Variants in USH2A observed in about 807,000 individuals in gnomAD.
USH2A encodes the protein usherin, also known as Usher syndrome 2A (autosomal recessive, mild).
Under a neutral mutation model 538.9 loss-of-function variants are expected in USH2A, and 443 were observed. The observed-to-expected ratio is 0.82, with a 90% CI of 0.76 to 0.89. The LOEUF is 0.89. Ranked by LOEUF, USH2A falls within the 40% of genes least tolerant of loss-of-function variation. The pLI is 0.00. For synonymous variants in USH2A, 2,413 were observed against 2,273.5 expected, an observed-to-expected ratio of 1.06 and a Z score of -1.75; for missense variants, 6,633 against 6,324.8, an observed-to-expected ratio of 1.05 and a Z score of -1.65.
intron 11 of USH2A, among the ~76,000 whole-genome samples, chr1:216,280,753 G>T (rs1008229613): frequency 6.6e-5 from 10 of 152,158 alleles, no homozygotes; most frequent in Non-Finnish European, 1.2e-4. Flanking sequence ...TATCTTATGA[G>T]ATTGGATTGA....
At chr1:215,705,968 A>T (rs1393017568) in intron 61 of USH2A, among the ~76,000 whole-genome samples, 1 of 152,252 alleles carries the variant, frequency 6.6e-6, no homozygotes, top group East Asian at 1.9e-4. Flanking sequence ...AAGGATGATA[A>T]CAATGAGTGC....
intron 32 of USH2A, among the ~76,000 whole-genome samples, chr1:216,031,233 C>G (rs1669114366): frequency 1.3e-5 from 2 of 151,972 alleles, no homozygotes; most frequent in African/African-American, 4.8e-5. Flanking sequence ...TCCAGATGTG[C>G]TTTTATAATG....
intron 61 of USH2A, 139 bp from the exon 62 acceptor site, chr1:215,680,515 T>C (rs1393231417): frequency 1.3e-6 from 1 of 785,830 alleles, no homozygotes; most frequent in African/African-American, 1.7e-5. Flanking sequence ...TTTTGAATTA[T>C]CATTAAGAAA....
At chr1:215,878,623 T>C in intron 42 of USH2A, 141 bp downstream of exon 42, 1 of 783,884 alleles carries the variant, frequency 1.3e-6, no homozygotes, top group Non-Finnish European at 2.1e-6. Flanking sequence ...AGTATGATAG[T>C]GTATGAAAGT....
chr1:216,148,695 T>G (rs1254742914), intron 21 of USH2A, among the ~76,000 whole-genome samples: 1 of 152,032 alleles, frequency 6.6e-6, no homozygotes, highest in East Asian at 1.9e-4. Context: ...CTGCACCTTA[T>G]CAACCAAATT....
intron 11 of USH2A, among the ~76,000 whole-genome samples, chr1:216,281,731 A>G (rs1440354854): frequency 6.6e-6 from 1 of 152,144 alleles, no homozygotes; most frequent in African/African-American, 2.4e-5. Flanking sequence ...TCTGGGTTAT[A>G]TGGTAATTCC....
chr1:215,743,461 G>C (rs199867324), intron 58 of USH2A, 126 bp from the exon 59 acceptor site: 12,288 of 225,290 alleles, frequency 0.055, 1,695 homozygotes, highest in Admixed American at 0.13. Context: ...AATATATATA[G>C]ACACACATAT....
chr1:216,114,749 A>G (rs1197943130), intron 21 of USH2A, among the ~76,000 whole-genome samples: 1 of 152,180 alleles, frequency 6.6e-6, no homozygotes, highest in South Asian at 2.1e-4. Context: ...TGCAAACACC[A>G]ATAGCAACCA....
intron 4 of USH2A, among the ~76,000 whole-genome samples, chr1:216,353,930 T>C (rs1194966908): frequency 1.3e-5 from 2 of 152,108 alleles, no homozygotes; most frequent in Admixed American, 6.6e-5. Flanking sequence ...ACTGGACATG[T>C]AACTCATTGG....
At chr1:216,318,659 A>G (rs2037549969) in intron 9 of USH2A, among the ~76,000 whole-genome samples, 1 of 152,248 alleles carries the variant, frequency 6.6e-6, no homozygotes, top group Non-Finnish European at 1.5e-5. Flanking sequence ...TTCATAAACT[A>G]TCAAAATATG....
At chr1:216,223,801 T>C (rs2035507640) in intron 14 of USH2A, among the ~76,000 whole-genome samples, 1 of 152,202 alleles carries the variant, frequency 6.6e-6, no homozygotes, top group Non-Finnish European at 1.5e-5. Flanking sequence ...GGAAGTTATC[T>C]GCTTTCATCT....
intron 11 of USH2A, among the ~76,000 whole-genome samples, chr1:216,255,279 G>C (rs1019908225): frequency 2.6e-5 from 4 of 152,108 alleles, no homozygotes; most frequent in Non-Finnish European, 5.9e-5. Context: ...CATTAGCCTG[G>C]CTTGGGTCTT....
chr1:216,216,093 G>A (rs138115632), intron 15 of USH2A, among the ~76,000 whole-genome samples: 1 of 151,996 alleles, frequency 6.6e-6, no homozygotes, highest in Non-Finnish European at 1.5e-5. Context: ...TATCCAAAAG[G>A]AATATGCTAG....
chr1:216,117,803 C>T (rs987250755), intron 21 of USH2A, among the ~76,000 whole-genome samples: 3 of 149,314 alleles, frequency 2.0e-5, no homozygotes, highest in African/African-American at 7.4e-5. Flanking sequence ...CACAGACACA[C>T]ATATATATAT....
intron 34 of USH2A, among the ~76,000 whole-genome samples, chr1:215,993,896 A>G (rs1668071175): frequency 6.6e-6 from 1 of 152,174 alleles, no homozygotes. Context: ...TGGTAACATG[A>G]ATGTTACAGA....
intron 61 of USH2A, among the ~76,000 whole-genome samples, chr1:215,714,079 T>C (rs1659414679): frequency 6.6e-6 from 1 of 152,246 alleles, no homozygotes; most frequent in African/African-American, 2.4e-5. Flanking sequence ...GTGGAAGTTG[T>C]CAGCTTATAA....
intron 21 of USH2A, among the ~76,000 whole-genome samples, chr1:216,171,220 C>T (rs2034270583): frequency 6.6e-6 from 1 of 151,780 alleles, no homozygotes; most frequent in Non-Finnish European, 1.5e-5. Context: ...GCCATGATTA[C>T]AGCCTGTATT....
chr1:216,176,720 C>T (rs573408505), intron 20 of USH2A, among the ~76,000 whole-genome samples: 2 of 152,254 alleles, frequency 1.3e-5, no homozygotes, highest in Admixed American at 6.5e-5. Context: ...TTCATCTCTC[C>T]TTCCCCCCAA....
At chr1:215,880,508 T>C (rs769997121) in intron 41 of USH2A, among the ~76,000 whole-genome samples, 5 of 152,194 alleles carry the variant, frequency 3.3e-5, no homozygotes, top group Non-Finnish European at 7.3e-5. Flanking sequence ...TTTAGATGTG[T>C]TCCTTATAAA....
Sources: allele counts gnomAD v4.1 joint callset (sites outside exome capture counted in the v4.1 genomes callset), GRCh38; gene constraint gnomAD v4.1.1; transcripts MANE v1.5; gene names NCBI Gene and HGNC (gene_info 2026-07-23, HGNC 2026-07-21).